INTS13: variants seen among roughly 807,000 people sequenced by gnomAD.
INTS13 encodes asunder, spermatogenesis regulator homolog (Drosphila).
In INTS13, 35 loss-of-function variants were observed where a neutral mutation model predicts 90.2. That is an observed-to-expected ratio of 0.39 (90% CI 0.30 to 0.51). The LOEUF (loss-of-function observed/expected upper bound fraction) is 0.51. INTS13 is among the 20% of genes least tolerant of loss of function. The pLI, the probability that INTS13 is intolerant of heterozygous loss-of-function variation, is 0.80. For missense variants in INTS13, 601 were observed against 851.2 expected (o/e 0.71, Z 3.66); for synonymous variants, 309 against 277.1 (o/e 1.11, Z -1.14).
chr12:26,927,605 TTTAAA>T (rs1302809906), intron 5 of INTS13, among the ~76,000 whole-genome samples: 2 of 152,204 alleles, frequency 1.3e-5, no homozygotes, highest in African/African-American at 4.8e-5. Context: ...AAAATTTAAA[TTTAAA>T]TTAAATTAAA....
chr12:26,929,785 A>AAGAAAGGAAGAAAG (rs1418669342), intron 3 of INTS13, among the ~76,000 whole-genome samples: 4 of 151,328 alleles, frequency 2.6e-5, no homozygotes, highest in Middle Eastern at 6.8e-3. Context: ...AAAGGGAAGA[A>AAGAAAGGAAGAAAG]AGAAAGGAAG....
rs191521180 is a variant in INTS13, at chr12:26,920,988, C to G, written c.889+1628G>C. Among the ~76,000 whole-genome samples, 423 of 152,292 alleles carry G rather than the reference C, an allele frequency of 2.8e-3. 2 individuals carry two copies. Among genetic ancestry groups the G allele is most frequent in the African/African-American group, 1.0e-2 (414 of 41,566 alleles). On this transcript the variant is annotated intron_variant, in intron 8 of 16. Transcript: ENST00000261191. ...CAGCATCAATTTACTAGAAAACATT[C>G]TAAAGAATTTAACCAAATGTCAAAG... is the stretch of plus-strand genomic sequence containing the variant.
At chr12:26,919,311 TAGTATGCTTTGAGATG>T (rs1354284331) in intron 8 of INTS13, among the ~76,000 whole-genome samples, 1 of 151,994 alleles carries the variant, frequency 6.6e-6, no homozygotes, top group Non-Finnish European at 1.5e-5. Flanking sequence ...CAGAGAAGAT[TAGTATGCTTTGAGATG>T]AGAATAAAAA....
intron 8 of INTS13, chr12:26,919,003 A>C (rs1182804903): frequency 2.8e-6 from 1 of 363,580 alleles, no homozygotes; most frequent in Non-Finnish European, 5.7e-6. Context: ...GTCTCTATGG[A>C]AAAAATACAA....
chr12:26,914,389 G>A lies in INTS13; in HGVS notation c.1419+19C>T. ...ATATAACTAATCTATAAGAAAAGTTGAAGCTACTTAACACTTACCGCTTGC... is the reference window on the plus strand; with the variant it reads ...ATATAACTAATCTATAAGAAAAGTTAAAGCTACTTAACACTTACCGCTTGC... On this transcript the variant is annotated intron_variant, in intron 12 of 16. Coordinates refer to ENST00000261191, the MANE Select transcript of INTS13 (RefSeq NM_018164.3). The A allele has an allele frequency of 6.3e-7, 1 of 1,586,294 alleles. No homozygotes were observed. Among genetic ancestry groups the A allele is most frequent in the South Asian group, 1.2e-5 (1 of 84,832 alleles).
At chr12:26,917,940 G>A (rs1297714055) in intron 8 of INTS13, among the ~76,000 whole-genome samples, 2 of 152,024 alleles carry the variant, frequency 1.3e-5, no homozygotes, top group African/African-American at 4.8e-5. Context: ...TGACCAAGAT[G>A]GCGAAACCCT....
In INTS13 at chr12:26,917,946, A is replaced by G. The variant is rs1003616546; in HGVS notation, c.890-213T>C. 2.8e-4 allele frequency among the ~76,000 whole-genome samples: 43 copies of G among 152,120 alleles called. 1 individual carries two copies. Among genetic ancestry groups the G allele is most frequent in the African/African-American group, 9.4e-4 (39 of 41,488 alleles). On this transcript the variant is annotated intron_variant, in intron 8 of 16. Coordinates refer to ENST00000261191, the MANE Select transcript of INTS13 (RefSeq NM_018164.3). Reference sequence around the variant, plus strand: ...AGACCAGCCTGACCAAGATGGCGAAACCCTGTCCCTACTAAAACTACAGAA... The same window carrying G: ...AGACCAGCCTGACCAAGATGGCGAAGCCCTGTCCCTACTAAAACTACAGAA...
At chr12:26,932,185 C>T (rs1938232789) in intron 3 of INTS13, among the ~76,000 whole-genome samples, 1 of 151,412 alleles carries the variant, frequency 6.6e-6, no homozygotes, top group Non-Finnish European at 1.5e-5. Flanking sequence ...ACAAGATAGA[C>T]ATCAACAAGA....
chr12:26,914,231 T>G (rs1253436683), intron 12 of INTS13, 103 bp from the exon 13 acceptor site: 2 of 1,225,436 alleles, frequency 1.6e-6, no homozygotes, highest in Non-Finnish European at 2.2e-6. Flanking sequence ...AAGATTATCA[T>G]GGTGAAGGAA....
At chr12:26,917,863 C>T (rs1341490018) in intron 8 of INTS13, 130 bp from the exon 9 acceptor site, 5 of 660,270 alleles carry the variant, frequency 7.6e-6, no homozygotes, top group Non-Finnish European at 1.3e-5. Context: ...GTGGCTCATG[C>T]CTGTAATCCC....
intron 6 of INTS13, among the ~76,000 whole-genome samples, chr12:26,925,172 C>A (rs1394905979): frequency 1.3e-5 from 2 of 152,004 alleles, no homozygotes; most frequent in African/African-American, 2.4e-5. Flanking sequence ...TACAAAAATT[C>A]ATGGACAAAA....
At chr12:26,909,135 C>T (rs983825747) in intron 15 of INTS13, among the ~76,000 whole-genome samples, 13 of 152,124 alleles carry the variant, frequency 8.5e-5, no homozygotes, top group Non-Finnish European at 8.8e-5. Context: ...CTAAGGCAGG[C>T]GAATCACCTG....
intron 1 of INTS13, among the ~76,000 whole-genome samples, chr12:26,937,281 C>A (rs1200615080): frequency 3.3e-5 from 5 of 151,938 alleles, no homozygotes; most frequent in African/African-American, 1.2e-4. Flanking sequence ...GGTAGGGGTG[C>A]GGAATTAACA....
At chr12:26,938,018 G>A (rs1473150638), upstream of INTS13, 2 of 149,214 alleles carry the variant, frequency 1.3e-5, no homozygotes. Flanking sequence ...CACGCACTCG[G>A]GCTCGCGCGT....
At chr12:26,928,058 A>C in intron 5 of INTS13, 147 bp downstream of exon 5, 1 of 495,966 alleles carries the variant, frequency 2.0e-6, no homozygotes, top group Non-Finnish European at 3.5e-6. Flanking sequence ...ATGGAAAAAA[A>C]AGTTTCTGAT....
At chr12:26,919,566 G>A (rs1952046215) in intron 8 of INTS13, among the ~76,000 whole-genome samples, 1 of 152,172 alleles carries the variant, frequency 6.6e-6, no homozygotes, top group South Asian at 2.1e-4. Context: ...GCTGGATTAG[G>A]GAAATGTTAT....
chr12:26,911,034 C>T (rs1951759494), intron 15 of INTS13, 144 bp downstream of exon 15: 3 of 806,628 alleles, frequency 3.7e-6, no homozygotes, highest in Admixed American at 3.0e-5. Context: ...GGGGTTTCAC[C>T]ATGCTGGCCA....
At chr12:26,924,516 A>C in intron 6 of INTS13, 33 bp from the exon 7 acceptor site, 1 of 1,575,994 alleles carries the variant, frequency 6.3e-7, no homozygotes, top group South Asian at 1.2e-5. Context: ...AATAATCCAC[A>C]AAATATTAAT....
At chr12:26,930,032 T>A (rs1044936240) in intron 3 of INTS13, among the ~76,000 whole-genome samples, 1 of 152,192 alleles carries the variant, frequency 6.6e-6, no homozygotes, top group Non-Finnish European at 1.5e-5. Context: ...ATACTTACAA[T>A]AATCTGAAGA....
Sources: allele counts gnomAD v4.1 joint callset (sites outside exome capture counted in the v4.1 genomes callset), GRCh38; gene constraint gnomAD v4.1.1; transcripts MANE v1.5; gene names NCBI Gene and HGNC (gene_info 2026-07-23, HGNC 2026-07-21).